Variants in HMCN1 observed in about 807,000 individuals in gnomAD.
The protein encoded by HMCN1 is hemicentin-1.
A neutral mutation model predicts 625.9 loss-of-function variants in HMCN1; 321 were observed. That is an observed-to-expected ratio of 0.51 (90% CI 0.47 to 0.56). The LOEUF (loss-of-function observed/expected upper bound fraction) is 0.56, where lower values mean the gene tolerates loss of function less well. HMCN1 is among the 20% of genes least tolerant of loss of function. HMCN1 has a pLI of 0.00. For missense variants in HMCN1, 6,588 were observed against 6,887.3 expected, an observed-to-expected ratio of 0.96 and a Z score of 1.54; for synonymous variants, 2,425 against 2,417.6, an observed-to-expected ratio of 1.00 and a Z score of -0.09.
intron 1 of HMCN1, among the ~76,000 whole-genome samples, chr1:185,806,099 C>T (rs1357453287): frequency 6.6e-6 from 1 of 151,722 alleles, no homozygotes; most frequent in Non-Finnish European, 1.5e-5. Context: ...TAATAGGTAA[C>T]TTTTATTAAG....
rs1217456906 is a variant in HMCN1 at position 186,129,800 on chromosome 1, G to A, written c.12905-166G>A. ...CTTCAAACAAGTGTCTATAGACATA[G>A]TAAATAGCTCAGATGAAGAAATGTG... is the stretch of plus-strand genomic sequence containing the variant. On this transcript the variant is annotated intron_variant, in intron 83 of 106. Transcript: ENST00000271588. Among the ~76,000 whole-genome samples, 5 of 152,212 alleles carry A rather than the reference G, an allele frequency of 3.3e-5. No individual in the cohort carries two copies. The East Asian group carries it at 9.6e-4, about 29-fold the overall frequency.
Position 186,038,893 on chromosome 1 carries a change from A to C in HMCN1, c.5916A>C (p.Arg1972Ser). 1 of 1,603,430 alleles carries C rather than the reference A, an allele frequency of 6.2e-7. No homozygotes were observed. Among genetic ancestry groups the C allele is most frequent in the Non-Finnish European group, 8.5e-7 (1 of 1,170,412 alleles). The stretch of plus-strand genomic sequence containing the variant: ...CCACCAGCATGACTTTCTTGAACAG[A>C]GGACAGATCATTGATATTGAAAGTG... ...SGSTSMTFLN[R>S]GQIIDIESAQ... is the part of the protein sequence containing the mutation. The change falls in exon 38 of 107, where the codon AGA (arginine) becomes AGC (serine). Residue 1972 changes from arginine (R) to serine (S), a missense_variant. Arg to Ser is a moderately radical substitution (Grantham distance 110). This residue lies in a region of HMCN1 where 4,628 missense variants were observed against 4,853.1 expected (regional missense o/e 0.95). Coordinates refer to ENST00000271588, the MANE Select transcript of HMCN1 (RefSeq NM_031935.3).
Position 186,074,877 on chromosome 1 carries a change from A to T in HMCN1, c.8276A>T (p.Asp2759Val). Residue 2759 changes from aspartate (D) to valine (V), a missense_variant, in exon 53 of 107, where the codon GAT becomes GTT. By Grantham distance (152) the Asp-to-Val change is radical (BLOSUM62 -3). This residue lies in a region of HMCN1 where 4,628 missense variants were observed against 4,853.1 expected (regional missense o/e 0.95). Transcript: ENST00000271588. ...NIAGEDELDF[D>V]VNIQVPPSFQ... Reference sequence around the variant, plus strand: ...GCAGGTGAAGATGAGTTGGATTTTGATGTGAATATTCAAGGTAATACTAAT... The same window carrying T: ...GCAGGTGAAGATGAGTTGGATTTTGTTGTGAATATTCAAGGTAATACTAAT... 2.5e-6 allele frequency: 4 copies of T among 1,611,784 alleles called. No homozygotes were observed. Among genetic ancestry groups the T allele is most frequent in the Non-Finnish European group, 3.4e-6 (4 of 1,178,202 alleles).
intron 25 of HMCN1, among the ~76,000 whole-genome samples, chr1:185,998,157 C>A (rs551589565): frequency 2.0e-4 from 30 of 152,180 alleles, no homozygotes; most frequent in Admixed American, 5.9e-4. Flanking sequence ...TTAAGAACAT[C>A]CTCTCTTTCA....
At chr1:185,921,570 C>T (rs991569128) in intron 6 of HMCN1, among the ~76,000 whole-genome samples, 11 of 152,128 alleles carry the variant, frequency 7.2e-5, no homozygotes, top group African/African-American at 2.7e-4. Context: ...TATAATACCT[C>T]AATATGTGCC....
At chr1:186,084,561 G>A (rs892969145) in intron 57 of HMCN1, among the ~76,000 whole-genome samples, 1 of 151,940 alleles carries the variant, frequency 6.6e-6, no homozygotes, top group Non-Finnish European at 1.5e-5. Context: ...CTACAACTCT[G>A]CTTGCTTCTT....
intron 24 of HMCN1, among the ~76,000 whole-genome samples, chr1:185,995,991 G>A (rs556664648): frequency 2.0e-5 from 3 of 152,224 alleles, no homozygotes; most frequent in Admixed American, 2.0e-4. Context: ...AAGGTACCTG[G>A]CCCATTGTAG....
At chr1:185,795,548 A>G (rs1194258206) in intron 1 of HMCN1, among the ~76,000 whole-genome samples, 1 of 152,188 alleles carries the variant, frequency 6.6e-6, no homozygotes, top group Non-Finnish European at 1.5e-5. Context: ...CTACTTTACT[A>G]CTTCTCATAG....
chr1:185,934,971 T>C (rs1667737855), intron 11 of HMCN1, among the ~76,000 whole-genome samples: 1 of 152,168 alleles, frequency 6.6e-6, no homozygotes, highest in African/African-American at 2.4e-5. Flanking sequence ...TTAGTTGATC[T>C]GGGGAGTCGT....
intron 1 of HMCN1, among the ~76,000 whole-genome samples, chr1:185,738,998 T>G (rs1653791200): frequency 6.6e-6 from 1 of 151,732 alleles, no homozygotes; most frequent in Admixed American, 6.5e-5. Flanking sequence ...TACCTGATAG[T>G]TTTTCAGTCC....
chr1:186,090,266 C>T (rs1448037847), intron 63 of HMCN1, among the ~76,000 whole-genome samples: 7 of 151,856 alleles, frequency 4.6e-5, no homozygotes, highest in Admixed American at 3.9e-4. Flanking sequence ...ACAAACCTAT[C>T]CATTGTTCAA....
rs761197473 is a variant in HMCN1 at position 186,189,543 on chromosome 1, T to C, written c.16573T>C (p.Leu5525=). 13 of 1,613,578 alleles carry C rather than the reference T, an allele frequency of 8.1e-6. No homozygotes were observed. In the East Asian group the frequency reaches 2.9e-4, roughly 36 times the overall value. Residue 5525 remains leucine (L), a synonymous_variant, in exon 107 of 107, where the codon TTG becomes CTG. Transcript: ENST00000271588. ...CCTCAAGAACTGTCCACCCAATGAT[T>C]TGGAATGTGCCTTGAGCCCATATGC... ...FCLKNCPPND[L]ECALSPYALE...
intron 1 of HMCN1, among the ~76,000 whole-genome samples, chr1:185,781,796 A>G (rs1337802902): frequency 6.6e-6 from 1 of 152,098 alleles, no homozygotes; most frequent in Non-Finnish European, 1.5e-5. Flanking sequence ...AATAAGTGCG[A>G]TGTGGTGCTG....
At chr1:186,080,829 C>CTTAATAT (rs1346090901) in intron 55 of HMCN1, among the ~76,000 whole-genome samples, 6 of 151,674 alleles carry the variant, frequency 4.0e-5, no homozygotes, top group Admixed American at 3.9e-4. Context: ...CTCTGGATGA[C>CTTAATAT]CATATAGACT....
At chr1:185,982,642 C>T (rs772222582) in intron 18 of HMCN1, among the ~76,000 whole-genome samples, 9 of 151,466 alleles carry the variant, frequency 5.9e-5, no homozygotes, top group African/African-American at 1.9e-4. Context: ...GGTTTCACCA[C>T]GTTTGCCAGG....
At chr1:186,162,762 G>A (rs575890732) in intron 97 of HMCN1, among the ~76,000 whole-genome samples, 70 of 152,306 alleles carry the variant, frequency 4.6e-4, no homozygotes, top group African/African-American at 1.3e-3. Context: ...CTGTCTGATC[G>A]TTCCTCTGGA....
chr1:185,759,514 C>T (rs73058395), intron 1 of HMCN1, among the ~76,000 whole-genome samples: 5,898 of 152,104 alleles, frequency 0.039, 404 homozygotes, highest in African/African-American at 0.14. Context: ...TTCAAGGTCA[C>T]GATGGCACCA....
intron 1 of HMCN1, among the ~76,000 whole-genome samples, chr1:185,834,660 A>C (rs1181945022): frequency 6.6e-6 from 1 of 152,190 alleles, no homozygotes; most frequent in Middle Eastern, 3.2e-3. Context: ...TTTTAGAAGC[A>C]GGGCATTACG....
chr1:185,990,297 T>C lies in HMCN1; in HGVS notation c.3231T>C (p.Asp1077=), dbSNP rs1274803247. 4 of 1,613,932 alleles carry C rather than the reference T, an allele frequency of 2.5e-6. No individual in the cohort carries two copies. Among genetic ancestry groups the C allele is most frequent in the Middle Eastern group, 1.6e-4 (1 of 6,084 alleles). The change falls in exon 22 of 107, where the codon GAT becomes GAC. Residue 1077 remains aspartate (D), a synonymous_variant. Coordinates refer to ENST00000271588, the MANE Select transcript of HMCN1 (RefSeq NM_031935.3). ...TVYVRPRVFG[D]QRGLSQDKPV... ...TAGTAAGGCCCAGAGTGTTTGGAGA[T>C]CAACGAGGACTGTCCCAGGATAAGC... is the stretch of plus-strand genomic sequence containing the variant.
Sources: gnomAD v4.1 joint callset for allele counts (sites outside exome capture counted in the v4.1 genomes callset) on GRCh38, gnomAD v4.1.1 for gene constraint, gnomAD v4.1.1 regional missense constraint, MANE v1.5 for transcripts, NCBI Gene and HGNC (gene_info 2026-07-23, HGNC 2026-07-21) for gene names.